Variants in SELENOW observed in about 807,000 individuals in gnomAD.
SELENOW encodes selenoprotein W.
In SELENOW, 20 loss-of-function variants were observed where a neutral mutation model predicts 16.6. That is an observed-to-expected ratio of 1.21 (90% CI 0.85 to 1.76). The LOEUF (loss-of-function observed/expected upper bound fraction) is 1.76, where lower values mean the gene tolerates loss of function less well. Among genes scored for constraint, SELENOW ranks in the 40% most tolerant of loss-of-function variants. The probability of loss-of-function intolerance (pLI) is 0.00; values close to 1 mark genes in which losing one functional copy is unlikely to be tolerated. For missense variants in SELENOW, 124 were observed against 111.0 expected (o/e 1.12, Z -0.53); for synonymous variants, 44 against 46.2 (o/e 0.95, Z 0.19).
intron 1 of SELENOW, chr19:47,780,390 C>G: frequency 2.3e-6 from 1 of 431,634 alleles, no homozygotes; most frequent in Non-Finnish European, 4.3e-6. Flanking sequence ...GGTTTTCCCC[C>G]GTCCCCGTCT....
rs763707252 is a variant in SELENOW, at chr19:47,781,374, G to T, written c.*4G>T. 4.4e-6 allele frequency: 7 copies of T among 1,574,420 alleles called. No homozygotes were observed. The African/African-American group carries it at 5.4e-5, about 12-fold the overall frequency. ...AGCCGCCTTGGCTCAGGGCTAATGC[G>T]CCCTGAAGGCAGAGGTGAGGGGGCC... On this transcript the variant is annotated 3_prime_UTR_variant, in exon 5 of 6. Coordinates refer to ENST00000601048, the MANE Select transcript of SELENOW (RefSeq NM_003009.4).
At chr19:47,779,070 T>G in intron 1 of SELENOW, 1 of 504,270 alleles carries the variant, frequency 2.0e-6, no homozygotes, top group Admixed American at 3.8e-5. Context: ...TGTGTCAATT[T>G]CGAACCCCCG....
chr19:47,781,568 G>T (rs369499539), intron 5 of SELENOW, 180 bp downstream of exon 5: 2 of 604,388 alleles, frequency 3.3e-6, no homozygotes, highest in Admixed American at 5.7e-5. Flanking sequence ...TGGGGTCAGA[G>T]GTGTGCAGGG....
intron 1 of SELENOW, chr19:47,780,454 T>C: frequency 1.9e-6 from 1 of 535,046 alleles, no homozygotes; most frequent in South Asian, 2.1e-5. Flanking sequence ...CTCCCCCTTC[T>C]CTGTCTCTTG....
At chr19:47,778,842 C>T (rs753293917) in intron 1 of SELENOW, 28 bp downstream of exon 1, 5 of 1,591,346 alleles carry the variant, frequency 3.1e-6, no homozygotes, top group Middle Eastern at 1.7e-4. Context: ...CGGCCCCCGT[C>T]CCCGACCCCC....
At position 47,778,728 on chromosome 19, in the gene SELENOW, G is replaced by A; in HGVS notation, c.-58G>A. ...ACTCGCGCAGACCTAGCGCGTCCAG[G>A]TGGGAGGTTAGTGTGGCCCGGGCGT... On this transcript the variant is annotated 5_prime_UTR_variant, in exon 1 of 6. The change creates a new upstream start codon in the 5' untranslated region. Coordinates refer to ENST00000601048, the MANE Select transcript of SELENOW (RefSeq NM_003009.4). 6.4e-7 allele frequency: 1 copy of A among 1,571,804 alleles called. No homozygotes were observed. Among genetic ancestry groups the A allele is most frequent in the East Asian group, 2.4e-5 (1 of 42,256 alleles).
rs778647647 is a variant in SELENOW, at chr19:47,778,815, G to T, written c.29+1G>T. ...CTCTCGCCGTCCGAGTCGTTTATTG[G>T]TAAGCCCAGCGGCCAGCGGCCCCCG... On this transcript the variant is annotated splice_donor_variant, in intron 1 of 5. Coordinates refer to ENST00000601048, the MANE Select transcript of SELENOW (RefSeq NM_003009.4). LOFTEE classifies it high-confidence loss of function. 1 of 1,460,294 alleles carries T rather than the reference G, an allele frequency of 6.8e-7. No individual in the cohort carries two copies. The highest frequency in any genetic ancestry group is 9.3e-7 in the Non-Finnish European group (1 of 1,071,036). 90.5% of individuals were successfully genotyped at this position (1,460,294 alleles called of 1,614,324 possible). A position where few individuals can be genotyped will look rare whatever the true frequency, so the allele number is the denominator to read the frequency against.
In SELENOW at chr19:47,781,105, C is replaced by T; in HGVS notation, c.109-3C>T. ...CAACATCTCCCCTACCCCCTTTCCT[C>T]AGTGCGGCGAGGGAACTCCCCAGGC... On this transcript the variant is annotated splice_region_variant and splice_polypyrimidine_tract_variant and intron_variant, in intron 3 of 5. Coordinates refer to ENST00000601048, the MANE Select transcript of SELENOW (RefSeq NM_003009.4). 6.2e-7 allele frequency: 1 copy of T among 1,613,466 alleles called. No homozygotes were observed. Among genetic ancestry groups the T allele is most frequent in the Non-Finnish European group, 8.5e-7 (1 of 1,179,474 alleles).
intron 5 of SELENOW, chr19:47,782,667 A>G (rs181745437): frequency 9.2e-5 from 14 of 152,062 alleles, no homozygotes; most frequent in Admixed American, 2.6e-4. Context: ...CAGCCTCCCA[A>G]GTAGCTGGGA....
At chr19:47,781,536 TG>T (rs1245125265) in intron 5 of SELENOW, 148 bp downstream of exon 5, 1 of 617,640 alleles carries the variant, frequency 1.6e-6, no homozygotes, top group Non-Finnish European at 2.9e-6. Context: ...TAGACCCGGT[TG>T]GTGGAGGACA....
At chr19:47,778,850 C>T (rs761342539) in intron 1 of SELENOW, 36 bp downstream of exon 1, 1 of 1,581,630 alleles carries the variant, frequency 6.3e-7, no homozygotes, top group East Asian at 2.3e-5. Flanking sequence ...GTCCCCGACC[C>T]CCGCCGGGAC....
Position 47,780,740 on chromosome 19 carries a change from C to A in SELENOW, c.45C>A (p.Tyr15Ter). 1 of 1,564,486 alleles carries A rather than the reference C, an allele frequency of 6.4e-7. No individual in the cohort carries two copies. The highest frequency in any genetic ancestry group is 8.7e-7 in the Non-Finnish European group (1 of 1,154,502). The change falls in exon 2 of 6, where the codon TAC becomes TAA. Residue 15 changes from tyrosine (Y) to a stop codon, truncating the protein, a stop_gained. Coordinates refer to ENST00000601048, the MANE Select transcript of SELENOW (RefSeq NM_003009.4). LOFTEE classifies it high-confidence loss of function. ...CTCCTACCAGTGGCGCTTGAGGCTA[C>A]AAGTCCAAGGTAAGCAGAGTGGATG... is the stretch of plus-strand genomic sequence containing the variant. ...VRVVYCGAUG[Y>*]KSKYLQLKKK...
Position 47,781,139 on chromosome 19 carries a change from T to A in SELENOW, c.140T>A (p.Phe47Tyr). Reference sequence around the variant, plus strand: ...GAGGGAACTCCCCAGGCCACCGGGTTCTTTGAAGTGATGGTAGCCGGGAAG... The same window carrying A: ...GAGGGAACTCCCCAGGCCACCGGGTACTTTGAAGTGATGGTAGCCGGGAAG... ...CGEGTPQATG[F>Y]FEVMVAGKLI... Residue 47 changes from phenylalanine (F) to tyrosine (Y), a missense_variant, in exon 4 of 6, where the codon TTC becomes TAC. By Grantham distance (22) the Phe-to-Tyr change is conservative. Transcript: ENST00000601048. The A allele has an allele frequency of 6.2e-7, 1 of 1,613,824 alleles. No homozygotes were observed. The highest frequency in any genetic ancestry group is 1.1e-5 in the South Asian group (1 of 91,084).
intron 1 of SELENOW, chr19:47,780,209 A>G: frequency 2.4e-6 from 1 of 411,776 alleles, no homozygotes; most frequent in Non-Finnish European, 4.9e-6. Context: ...GGAGTTCGAG[A>G]CCAGCCTGGC....
chr19:47,780,735 G>A lies in SELENOW; in HGVS notation c.40G>A (p.Gly14Ser). The change falls in exon 2 of 6, where the codon GGC becomes AGC. Residue 14 changes from glycine to serine, a missense_variant. By Grantham distance (56) the Gly-to-Ser change is moderately conservative (BLOSUM62 0). Coordinates refer to ENST00000601048, the MANE Select transcript of SELENOW (RefSeq NM_003009.4). ...GGACTCTCCTACCAGTGGCGCTTGA[G>A]GCTACAAGTCCAAGGTAAGCAGAGT... ...AVRVVYCGAU[G>S]YKSKYLQLKK... The A allele has an allele frequency of 1.3e-6, 2 of 1,563,854 alleles. No homozygotes were observed. Among genetic ancestry groups the A allele is most frequent in the Non-Finnish European group, 1.7e-6 (2 of 1,153,838 alleles).
At chr19:47,778,913 C>T (rs919115230) in intron 1 of SELENOW, 99 bp downstream of exon 1, 12 of 1,280,210 alleles carry the variant, frequency 9.4e-6, no homozygotes, top group Non-Finnish European at 1.3e-5. Flanking sequence ...CCATGGGAGC[C>T]CTTGTATGGG....
At chr19:47,784,131 C>T in intron 5 of SELENOW, 159 bp from the exon 6 acceptor site, 1 of 152,220 alleles carries the variant, frequency 6.6e-6, no homozygotes, top group Non-Finnish European at 1.5e-5. Context: ...AACTCTTGGG[C>T]TCAAGTGATC....
intron 5 of SELENOW, among the ~76,000 whole-genome samples, chr19:47,781,950 C>T (rs1306882626): frequency 6.6e-6 from 1 of 151,932 alleles, no homozygotes; most frequent in African/African-American, 2.4e-5. Context: ...AGGATGACAG[C>T]TGAGATGGGG....
chr19:47,778,875 CG>C, intron 1 of SELENOW, 61 bp downstream of exon 1: 1 of 1,538,964 alleles, frequency 6.5e-7, no homozygotes. Context: ...TTCTCGGAGC[CG>C]GGGTCAGGGA....
Sources: allele counts gnomAD v4.1 joint callset (sites outside exome capture counted in the v4.1 genomes callset), GRCh38; gene constraint gnomAD v4.1.1; transcripts MANE v1.5; gene names NCBI Gene and HGNC (gene_info 2026-07-23, HGNC 2026-07-21).